The following RBFOX1 variants were observed in gnomAD, a reference collection of about 807,000 sequenced individuals.
The protein encoded by RBFOX1 is RNA binding fox-1 homolog 1.
Under a neutral mutation model 57.7 loss-of-function variants are expected in RBFOX1, and 8 were observed. The ratio of observed to expected loss-of-function variants is 0.14; its 90% CI spans 0.08 to 0.25. RBFOX1 has a LOEUF of 0.25. RBFOX1 is among the 10% of genes least tolerant of loss of function. The pLI, the probability that RBFOX1 is intolerant of heterozygous loss-of-function variation, is 1.00. For missense variants in RBFOX1, 611 were observed against 548.5 expected (o/e 1.11, Z -1.14); for synonymous variants, 326 against 222.4 (o/e 1.47, Z -4.15).
chr16:5,767,535 G>C (rs1050692201), intron 3 of RBFOX1, among the ~76,000 whole-genome samples: 4 of 152,170 alleles, frequency 2.6e-5, no homozygotes, highest in African/African-American at 9.7e-5. Flanking sequence ...CACTGGAATA[G>C]ACCTGTCCCT....
intron 2 of RBFOX1, among the ~76,000 whole-genome samples, chr16:5,578,268 G>A (rs1245681460): frequency 2.0e-5 from 3 of 152,180 alleles, no homozygotes; most frequent in Non-Finnish European, 4.4e-5. Context: ...TGTGATGGAT[G>A]ACCTGGGCTT....
chr16:6,584,334 T>A (rs1313943861), intron 2 of RBFOX1, among the ~76,000 whole-genome samples: 1 of 130,312 alleles, frequency 7.7e-6, no homozygotes, highest in Non-Finnish European at 1.6e-5. Flanking sequence ...AGTTGTGTTT[T>A]ATTTTCATTA....
At chr16:6,839,387 C>T (rs1020244236) in intron 3 of RBFOX1, among the ~76,000 whole-genome samples, 5 of 152,226 alleles carry the variant, frequency 3.3e-5, no homozygotes, top group African/African-American at 9.6e-5. Context: ...GTTAGGTTGT[C>T]AGCTGCGTCA....
intron 4 of RBFOX1, among the ~76,000 whole-genome samples, chr16:7,218,072 TGTG>T (rs1214880683): frequency 2.5e-5 from 3 of 122,220 alleles, no homozygotes; most frequent in South Asian, 5.2e-4. Context: ...CGTGTGTGTG[TGTG>T]CGTCTGTGTG....
chr16:6,825,380 A>C (rs1020670924), intron 3 of RBFOX1, among the ~76,000 whole-genome samples: 1 of 152,000 alleles, frequency 6.6e-6, no homozygotes, highest in Admixed American at 6.6e-5. Flanking sequence ...TACACACTTA[A>C]AATTCACGAA....
intron 2 of RBFOX1, among the ~76,000 whole-genome samples, chr16:6,649,910 G>C (rs1055408637): frequency 6.6e-6 from 1 of 152,040 alleles, no homozygotes; most frequent in African/African-American, 2.4e-5. Context: ...TCTACTTGTG[G>C]ATTGGTGGGC....
chr16:6,424,477 G>T (rs189101482), intron 2 of RBFOX1, among the ~76,000 whole-genome samples: 2 of 152,134 alleles, frequency 1.3e-5, no homozygotes, highest in Admixed American at 1.3e-4. Context: ...AACATTAAAA[G>T]TGAAGGAAAG....
intron 3 of RBFOX1, among the ~76,000 whole-genome samples, chr16:6,871,090 C>G (rs1567649024): frequency 1.3e-5 from 2 of 152,276 alleles, no homozygotes; most frequent in African/African-American, 4.8e-5. Context: ...GATGACTTAT[C>G]TTTCTTCTTA....
At chr16:6,750,161 G>T (rs573126786) in intron 3 of RBFOX1, among the ~76,000 whole-genome samples, 3 of 152,294 alleles carry the variant, frequency 2.0e-5, no homozygotes, top group Non-Finnish European at 2.9e-5. Flanking sequence ...GCTGGAGAGA[G>T]CAAAATGGGA....
intron 1 of RBFOX1, among the ~76,000 whole-genome samples, chr16:6,235,095 C>G (rs542752227): frequency 3.5e-4 from 53 of 152,124 alleles, no homozygotes; most frequent in Non-Finnish European, 6.0e-4. Context: ...ATAATTTGCT[C>G]CTTACAGACT....
intron 1 of RBFOX1, among the ~76,000 whole-genome samples, chr16:6,142,456 T>C (rs539799991): frequency 1.9e-4 from 29 of 151,922 alleles, no homozygotes; most frequent in East Asian, 1.4e-3. Context: ...CTCCTGACCT[T>C]GTGATTCGCC....
intron 4 of RBFOX1, among the ~76,000 whole-genome samples, chr16:7,464,608 G>C (rs2060155754): frequency 6.6e-6 from 1 of 150,792 alleles, no homozygotes; most frequent in Non-Finnish European, 1.5e-5. Flanking sequence ...TCTGTTAAAT[G>C]AGGCAATATC....
intron 4 of RBFOX1, among the ~76,000 whole-genome samples, chr16:5,904,705 C>T (rs1355259752): frequency 1.3e-5 from 2 of 151,892 alleles, no homozygotes; most frequent in Admixed American, 6.5e-5. Flanking sequence ...GGGCCGGGCA[C>T]AGTGTCTCGC....
At chr16:5,266,980 T>C (rs561108126) in intron 1 of RBFOX1, among the ~76,000 whole-genome samples, 78 of 152,054 alleles carry the variant, frequency 5.1e-4, no homozygotes, top group South Asian at 2.5e-3. Flanking sequence ...TGTAGAGTGA[T>C]TGGCATGAAA....
chr16:6,056,710 T>G (rs547273313), intron 1 of RBFOX1, among the ~76,000 whole-genome samples: 14 of 152,286 alleles, frequency 9.2e-5, no homozygotes, highest in African/African-American at 3.4e-4. Flanking sequence ...TGATAAGCAT[T>G]ATGAAAATCT....
At chr16:6,671,156 A>G (rs2098762393) in intron 3 of RBFOX1, among the ~76,000 whole-genome samples, 3 of 152,336 alleles carry the variant, frequency 2.0e-5, no homozygotes, top group African/African-American at 4.8e-5. Context: ...TCGAATGGAA[A>G]CAAAAGGACA....
chr16:7,473,825 A>C (rs2062054465), intron 4 of RBFOX1, among the ~76,000 whole-genome samples: 1 of 152,162 alleles, frequency 6.6e-6, no homozygotes. Flanking sequence ...TTCTTCATAG[A>C]CAATTCTAGT....
At chr16:6,137,254 C>T (rs1404085147) in intron 1 of RBFOX1, among the ~76,000 whole-genome samples, 1 of 152,124 alleles carries the variant, frequency 6.6e-6, no homozygotes, top group Non-Finnish European at 1.5e-5. Flanking sequence ...CTACTATGTG[C>T]CAGATGCTGA....
chr16:5,516,751 AG>A (rs1268351570), intron 2 of RBFOX1, among the ~76,000 whole-genome samples: 2 of 152,134 alleles, frequency 1.3e-5, no homozygotes, highest in African/African-American at 4.8e-5. Context: ...CGAGATAGTG[AG>A]TTCTCATAAG....
Sources: allele counts gnomAD v4.1 joint callset (sites outside exome capture counted in the v4.1 genomes callset), GRCh38; gene constraint gnomAD v4.1.1; transcripts MANE v1.5; gene names NCBI Gene and HGNC (gene_info 2026-07-23, HGNC 2026-07-21).